UVRAG: variants seen among roughly 807,000 people sequenced by gnomAD.
The protein encoded by UVRAG is UV radiation resistance-associated gene protein.
Under a neutral mutation model 78.0 loss-of-function variants are expected in UVRAG, and 19 were observed. The ratio of observed to expected loss-of-function variants is 0.24; its 90% confidence interval spans 0.17 to 0.36. The LOEUF is 0.36. Ranked by LOEUF, UVRAG falls within the 10% of genes least tolerant of loss-of-function variation. The probability of loss-of-function intolerance (pLI) is 1.00; values close to 1 mark genes in which losing one functional copy is unlikely to be tolerated. For synonymous variants in UVRAG, 323 were observed against 324.6 expected (o/e 1.00, Z 0.05); for missense variants, 740 against 853.8 (o/e 0.87, Z 1.66).
chr11:75,894,772 T>C (rs1170579840), intron 5 of UVRAG, among the ~76,000 whole-genome samples: 7 of 131,034 alleles, frequency 5.3e-5, no homozygotes, highest in African/African-American at 1.8e-4. Context: ...GAGACCAGCC[T>C]GGGCAACAAA....
chr11:75,949,782 T>TACACAC (rs35811055), intron 6 of UVRAG, among the ~76,000 whole-genome samples: 3 of 150,224 alleles, frequency 2.0e-5, no homozygotes, highest in South Asian at 2.1e-4. Flanking sequence ...CACATATATA[T>TACACAC]ACACACACAC....
intron 13 of UVRAG, among the ~76,000 whole-genome samples, chr11:76,079,482 C>CA (rs1365771310): frequency 1.6e-4 from 22 of 138,662 alleles, no homozygotes; most frequent in Non-Finnish European, 2.9e-4. Flanking sequence ...AACCCTGTCT[C>CA]AAAAAAAAGA....
In UVRAG at chr11:76,129,744, G is replaced by C. The variant is rs1952478521; in HGVS notation, c.1398-10967G>C. Among the ~76,000 whole-genome samples, 4 of 151,932 alleles carry C rather than the reference G, an allele frequency of 2.6e-5. 1 individual carries two copies. In the South Asian group the frequency reaches 8.3e-4, roughly 32 times the overall value. ...GTCTATGTCTGTACATTTCCATTCTGATCCATGCCTCCATTACCTTTCACC... is the reference window on the plus strand; with the variant it reads ...GTCTATGTCTGTACATTTCCATTCTCATCCATGCCTCCATTACCTTTCACC... On this transcript the variant is annotated intron_variant, in intron 14 of 14. Coordinates refer to ENST00000356136, the MANE Select transcript of UVRAG (RefSeq NM_003369.4).
chr11:76,125,797 T>C (rs1432373205), intron 14 of UVRAG, among the ~76,000 whole-genome samples: 2 of 152,164 alleles, frequency 1.3e-5, no homozygotes, highest in Non-Finnish European at 2.9e-5. Flanking sequence ...AGGGAAACAA[T>C]AGCCCCATAA....
chr11:76,056,066 G>A (rs1467109619), intron 12 of UVRAG, among the ~76,000 whole-genome samples: 1 of 152,178 alleles, frequency 6.6e-6, no homozygotes, highest in Non-Finnish European at 1.5e-5. Flanking sequence ...ATAGGCATCT[G>A]TGCAGTCCAG....
chr11:75,912,096 G>A (rs1427870415), intron 6 of UVRAG, 57 bp downstream of exon 6: 1 of 1,313,590 alleles, frequency 7.6e-7, no homozygotes, highest in Non-Finnish European at 1.1e-6. Flanking sequence ...TTTTGAGTTT[G>A]TGACATTTCA....
At chr11:76,023,028 A>C (rs1950273112) in intron 12 of UVRAG, among the ~76,000 whole-genome samples, 1 of 151,978 alleles carries the variant, frequency 6.6e-6, no homozygotes, top group African/African-American at 2.4e-5. Context: ...AGCATATAAA[A>C]ACTCTGTTTC....
At chr11:76,036,734 T>TA (rs533006435) in intron 12 of UVRAG, among the ~76,000 whole-genome samples, 1,903 of 142,848 alleles carry the variant, frequency 0.013, 17 homozygotes, top group African/African-American at 0.031. Flanking sequence ...GTGGCTGAGT[T>TA]AAAAAAAAAA....
chr11:75,849,612 A>C (rs968673977), intron 1 of UVRAG, among the ~76,000 whole-genome samples: 3 of 152,246 alleles, frequency 2.0e-5, no homozygotes, highest in Admixed American at 2.0e-4. Flanking sequence ...CAAGGTAAAC[A>C]TTTAATAAAT....
intron 2 of UVRAG, among the ~76,000 whole-genome samples, chr11:75,854,790 A>C (rs1465595525): frequency 6.6e-6 from 1 of 152,182 alleles, no homozygotes; most frequent in Admixed American, 6.5e-5. Context: ...AAAATGAAAC[A>C]ATTTGGCTAC....
chr11:76,092,300 A>G lies in UVRAG; in HGVS notation c.1306-23624A>G, dbSNP rs564623327. 2.3e-3 allele frequency among the ~76,000 whole-genome samples: 345 copies of G among 152,224 alleles called. 2 individuals carry two copies. The highest frequency in any genetic ancestry group is 7.7e-3 in the African/African-American group (318 of 41,542). On this transcript the variant is annotated intron_variant, in intron 13 of 14. Coordinates refer to ENST00000356136, the MANE Select transcript of UVRAG (RefSeq NM_003369.4). ...GTGAATAGTGCCGCAGTAAACATAC[A>G]TGTGCATGTGCCTTTATAGCAGCAT... is the stretch of plus-strand genomic sequence containing the variant.
At chr11:76,126,320 T>C (rs954626034) in intron 14 of UVRAG, among the ~76,000 whole-genome samples, 1 of 152,210 alleles carries the variant, frequency 6.6e-6, no homozygotes, top group African/African-American at 2.4e-5. Flanking sequence ...TCAAATAAAA[T>C]CCAAGTTATA....
chr11:76,136,728 G>A (rs1202823661), intron 14 of UVRAG, among the ~76,000 whole-genome samples: 2 of 151,990 alleles, frequency 1.3e-5, no homozygotes, highest in Non-Finnish European at 2.9e-5. Flanking sequence ...AAACTCCTGG[G>A]TTCAAGCAGT....
chr11:75,951,309 C>T (rs1016126012), intron 6 of UVRAG, among the ~76,000 whole-genome samples: 7 of 149,646 alleles, frequency 4.7e-5, no homozygotes, highest in African/African-American at 1.7e-4. Context: ...ATGAATGATT[C>T]TTTCTATAAT....
rs192807956 is a variant in UVRAG, at chr11:76,028,259, C to T, written c.1226+11279C>T. Reference sequence around the variant, plus strand: ...CAATGTTGTGTGTGTTCTGACTGCTCCACTGACCAGCTCTTCCCCCATCTC... The same window carrying T: ...CAATGTTGTGTGTGTTCTGACTGCTTCACTGACCAGCTCTTCCCCCATCTC... On this transcript the variant is annotated intron_variant, in intron 12 of 14. Coordinates refer to ENST00000356136, the MANE Select transcript of UVRAG (RefSeq NM_003369.4). Among the ~76,000 whole-genome samples the T allele has an allele frequency of 2.6e-5, 4 of 152,180 alleles. No individual in the cohort carries two copies. In the East Asian group the frequency reaches 7.7e-4, roughly 29 times the overall value.
intron 12 of UVRAG, among the ~76,000 whole-genome samples, chr11:76,025,859 A>G (rs1591148127): frequency 6.6e-6 from 1 of 152,126 alleles, no homozygotes. Flanking sequence ...TATCCTATGT[A>G]TAAAGAGGTT....
intron 7 of UVRAG, among the ~76,000 whole-genome samples, chr11:75,966,606 T>C (rs1949028960): frequency 6.6e-6 from 1 of 152,232 alleles, no homozygotes; most frequent in Non-Finnish European, 1.5e-5. Context: ...TTGGCATATG[T>C]TGGTTTTCTC....
At position 76,007,549 on chromosome 11, in the gene UVRAG, G is replaced by C; in HGVS notation, c.927G>C (p.Lys309Asn). The C allele has an allele frequency of 6.2e-7, 1 of 1,613,266 alleles. No homozygotes were observed. The highest frequency in any genetic ancestry group is 8.5e-7 in the Non-Finnish European group (1 of 1,179,626). ...ECTAKRELFL[K>N]TNAQLTIRCR... ...TCCTCATTAGAGAACTCTTCTTGAAGACTAATGCTCAGTTGACAATTCGTT... is the reference window on the plus strand; with the variant it reads ...TCCTCATTAGAGAACTCTTCTTGAACACTAATGCTCAGTTGACAATTCGTT... Residue 309 changes from lysine (K) to asparagine (N), a missense_variant, in exon 10 of 15, where the codon AAG becomes AAC. Physicochemically the swap from Lys to Asn is moderately conservative, Grantham distance 94. Coordinates refer to ENST00000356136, the MANE Select transcript of UVRAG (RefSeq NM_003369.4).
rs186635061 is a variant in UVRAG, at chr11:75,865,148, G to A, written c.270+3368G>A. On this transcript the variant is annotated intron_variant, in intron 3 of 14. Transcript: ENST00000356136. Reference sequence around the variant, plus strand: ...ACTAAAAATATAAAATTAGCTGGGCGTGGTGGCACATGCCTGTAATCTCAG... The same window carrying A: ...ACTAAAAATATAAAATTAGCTGGGCATGGTGGCACATGCCTGTAATCTCAG... 4.7e-3 allele frequency among the ~76,000 whole-genome samples: 721 copies of A among 152,088 alleles called. 3 individuals carry two copies. The highest frequency in any genetic ancestry group is 0.017 in the African/African-American group (687 of 41,502).
Sources: gnomAD v4.1 joint callset for allele counts (sites outside exome capture counted in the v4.1 genomes callset) on GRCh38, gnomAD v4.1.1 for gene constraint, MANE v1.5 for transcripts, NCBI Gene and HGNC (gene_info 2026-07-23, HGNC 2026-07-21) for gene names.